The following DDX47 variants were observed in gnomAD, a reference collection of about 807,000 sequenced individuals.
DDX47 encodes the protein probable ATP-dependent RNA helicase DDX47.
Under a neutral mutation model 58.8 loss-of-function variants are expected in DDX47, and 60 were observed. That is an observed-to-expected ratio of 1.02 (90% CI 0.83 to 1.26). The LOEUF is 1.26. Ranked by LOEUF, DDX47 falls within the 50% of genes most tolerant of loss-of-function variation. The pLI is 0.00. For synonymous variants in DDX47, 197 were observed against 204.6 expected (o/e 0.96, Z 0.32); for missense variants, 530 against 573.2 (o/e 0.92, Z 0.77).
At position 12,829,644 on chromosome 12, in the gene DDX47, G is replaced by A. The variant is rs527391812; in HGVS notation, c.*90G>A. ...CAACAGAGATCATGAGACTGAAATT[G>A]GTCAGAATTGTGTCCAGAATGTGCT... On this transcript the variant is annotated 3_prime_UTR_variant, in exon 12 of 12. Coordinates refer to ENST00000358007, the MANE Select transcript of DDX47 (RefSeq NM_016355.4). The A allele has an allele frequency of 6.7e-7, 1 of 1,483,230 alleles. No individual in the cohort carries two copies. The highest frequency in any genetic ancestry group is 2.4e-5 in the East Asian group (1 of 42,300). The allele number at this position is 1,483,230 out of a possible 1,614,324, so 91.9% of individuals were successfully genotyped here.
Position 12,814,003 on chromosome 12 carries a change from G to C in DDX47, c.88-128G>C, listed in dbSNP as rs766777877. On this transcript the variant is annotated intron_variant, in intron 1 of 11. Coordinates refer to ENST00000358007, the MANE Select transcript of DDX47 (RefSeq NM_016355.4). ...ATGGTATAGTTAAAGAGTAGGCTCT[G>C]AGATGCACAGTAAATACCTTTTAAA... 3 of 710,408 alleles carry C rather than the reference G, an allele frequency of 4.2e-6. No individual in the cohort carries two copies. In the East Asian group the frequency reaches 7.5e-5, roughly 18 times the overall value. 44.0% of individuals were successfully genotyped at this position (710,408 alleles called of 1,614,324 possible).
intron 3 of DDX47, 64 bp from the exon 4 acceptor site, chr12:12,821,591 A>C (rs373439760): frequency 1.0e-5 from 16 of 1,525,886 alleles, no homozygotes; most frequent in Non-Finnish European, 1.4e-5. Context: ...TGGCTTTAAA[A>C]GATGTTCAGT....
intron 10 of DDX47, 48 bp downstream of exon 10, chr12:12,826,118 A>G (rs373920366): frequency 5.3e-6 from 8 of 1,522,590 alleles, no homozygotes; most frequent in African/African-American, 1.4e-5. Context: ...AAAGAGCAGA[A>G]CTTTCAAGCC....
chr12:12,824,720 T>C, intron 9 of DDX47, 43 bp downstream of exon 9: 1 of 1,584,220 alleles, frequency 6.3e-7, no homozygotes, highest in Non-Finnish European at 8.6e-7. Flanking sequence ...CTAAAGTGTA[T>C]TTCTTAATGG....
intron 2 of DDX47, 119 bp from the exon 3 acceptor site, chr12:12,821,089 C>G (rs1263785419): frequency 1.9e-6 from 2 of 1,033,894 alleles, no homozygotes; most frequent in Admixed American, 2.5e-5. Context: ...ACTTTCCTCT[C>G]TCCCCAGTTC....
intron 7 of DDX47, 82 bp from the exon 8 acceptor site, chr12:12,823,788 G>A: frequency 7.2e-7 from 1 of 1,390,048 alleles, no homozygotes; most frequent in Non-Finnish European, 9.9e-7. Flanking sequence ...TATAGGCTTA[G>A]TCTTTACCTT....
At chr12:12,822,178 A>G (rs1238515162) in intron 5 of DDX47, 95 bp downstream of exon 5, 2 of 752,044 alleles carry the variant, frequency 2.7e-6, no homozygotes, top group Non-Finnish European at 4.6e-6. Flanking sequence ...AGAACATTGC[A>G]TTAGTATCAG....
At chr12:12,828,816 A>G (rs1863091277) in intron 11 of DDX47, among the ~76,000 whole-genome samples, 1 of 152,246 alleles carries the variant, frequency 6.6e-6, no homozygotes, top group East Asian at 1.9e-4. Flanking sequence ...ATTAGACTTT[A>G]TCTAATTATA....
intron 2 of DDX47, chr12:12,814,610 G>A (rs1862868968): frequency 5.8e-6 from 1 of 170,962 alleles, no homozygotes; most frequent in Non-Finnish European, 1.3e-5. Flanking sequence ...TAAAACAGTG[G>A]TTAAAGCAGA....
chr12:12,821,535 AG>A (rs1387322435), intron 3 of DDX47, 119 bp from the exon 4 acceptor site: 30 of 1,416,956 alleles, frequency 2.1e-5, no homozygotes, highest in Non-Finnish European at 2.9e-5. Flanking sequence ...CTTTGGGAAG[AG>A]TATTAATTGT....
rs565789222 is a variant in DDX47 at position 12,813,388 on chromosome 12, C to A, written c.21C>A (p.His7Gln). MAAPEE[H>Q]DSPTEASQPI... ...ACAAGATGGCGGCACCCGAGGAACACGATTCTCCGACCGAAGCGTCCCAGC... is the reference window on the plus strand; with the variant it reads ...ACAAGATGGCGGCACCCGAGGAACAAGATTCTCCGACCGAAGCGTCCCAGC... Residue 7 changes from histidine (H) to glutamine (Q), a missense_variant, in exon 1 of 12, where the codon CAC becomes CAA. Coordinates refer to ENST00000358007, the MANE Select transcript of DDX47 (RefSeq NM_016355.4). 3.1e-6 allele frequency: 5 copies of A among 1,613,476 alleles called. No homozygotes were observed. The South Asian group carries it at 3.3e-5, about 11-fold the overall frequency.
chr12:12,821,295 C>T lies in DDX47; in HGVS notation c.269C>T (p.Pro90Leu), dbSNP rs745491237. 3.6e-5 allele frequency: 58 copies of T among 1,614,076 alleles called. No individual in the cohort carries two copies. In the East Asian group the frequency reaches 1.0e-3, roughly 29 times the overall value. The change falls in exon 3 of 12, where the codon CCG becomes CTG. Residue 90 changes from proline (P) to leucine (L), a missense_variant. Coordinates refer to ENST00000358007, the MANE Select transcript of DDX47 (RefSeq NM_016355.4). ...LPILNALLETPQRLFALVLTP... is the reference protein window; with the variant it reads ...LPILNALLETLQRLFALVLTP... ...ATTCTAAACGCACTGCTGGAGACCC[C>T]GCAGCGTTTGTTTGCCCTAGTTCTT...
At chr12:12,827,173 A>AT (rs1863064071) in intron 10 of DDX47, 73 bp from the exon 11 acceptor site, 3 of 1,547,854 alleles carry the variant, frequency 1.9e-6, no homozygotes, top group Middle Eastern at 1.7e-4. Context: ...GTTGTATCAT[A>AT]TAATAATAGT....
intron 2 of DDX47, among the ~76,000 whole-genome samples, chr12:12,818,349 G>A (rs1351478771): frequency 3.3e-5 from 5 of 152,034 alleles, no homozygotes; most frequent in South Asian, 4.1e-4. Flanking sequence ...GTGAAACCCC[G>A]TCTCTACTAA....
rs369627531 is a variant in DDX47, at chr12:12,827,252, T to G, written c.1113T>G (p.Asp371Glu). 2.2e-5 allele frequency: 35 copies of G among 1,613,846 alleles called. No individual in the cohort carries two copies. The African/African-American group carries it at 4.0e-4, about 18-fold the overall frequency. ...TGCAGTTTTCCTTCCTCAGGTATGA[T>G]GTGGAACTCTTCCAGCGCATAGAAC... is the stretch of plus-strand genomic sequence containing the variant. ...GKAITFVTQY[D>E]VELFQRIEHL... is the part of the protein sequence containing the mutation. Residue 371 changes from aspartate to glutamate, a missense_variant, in exon 11 of 12, where the codon GAT becomes GAG. By Grantham distance (45) the Asp-to-Glu change is conservative (BLOSUM62 2). Coordinates refer to ENST00000358007, the MANE Select transcript of DDX47 (RefSeq NM_016355.4).
intron 9 of DDX47, 57 bp from the exon 10 acceptor site, chr12:12,825,943 G>GT (rs979865469): frequency 1.2e-4 from 162 of 1,397,538 alleles, no homozygotes; most frequent in African/African-American, 7.6e-4. Context: ...TGCATATGTA[G>GT]TTTTTTTTAA....
At position 12,823,984 on chromosome 12, in the gene DDX47, A is replaced by G. The variant is rs763649730; in HGVS notation, c.865A>G (p.Thr289Ala). The G allele has an allele frequency of 1.2e-6, 2 of 1,614,186 alleles. No individual in the cohort carries two copies. Among genetic ancestry groups the G allele is most frequent in the Non-Finnish European group, 1.7e-6 (2 of 1,180,024 alleles). Residue 289 changes from threonine to alanine, a missense_variant, in exon 8 of 12, where the codon ACT becomes GCT. By Grantham distance (58) the Thr-to-Ala change is moderately conservative. Transcript: ENST00000358007. ...TALLLRNLGF[T>A]AIPLHGQMSQ... ...TTTGCTACTGCGAAATCTTGGCTTCACTGCCATCCCCCTCCATGGACAAAT... is the reference window on the plus strand; with the variant it reads ...TTTGCTACTGCGAAATCTTGGCTTCGCTGCCATCCCCCTCCATGGACAAAT...
intron 2 of DDX47, 198 bp downstream of exon 2, chr12:12,814,422 T>C (rs1592320307): frequency 2.0e-6 from 1 of 509,194 alleles, no homozygotes. Context: ...AAAGGGTTTG[T>C]TCTCTGCCAC....
chr12:12,829,549 C>T lies in DDX47; in HGVS notation c.1363C>T (p.Arg455Cys), dbSNP rs373820666. Residue 455 changes from arginine to cysteine, a missense_variant, in exon 12 of 12, where the codon CGT (arginine) becomes TGT (cysteine). Arg to Cys is a radical substitution (Grantham distance 180). Transcript: ENST00000358007. ...AGGAAAAATGAAGAAGCGGAAAGGCCGTTAATCACTTTTATGAAGGCTCGA... is the reference window on the plus strand; with the variant it reads ...AGGAAAAATGAAGAAGCGGAAAGGCTGTTAATCACTTTTATGAAGGCTCGA... ...AGGKMKKRKG[R>C] The T allele has an allele frequency of 5.8e-5, 94 of 1,613,022 alleles. No homozygotes were observed. Among genetic ancestry groups the T allele is most frequent in the Non-Finnish European group, 7.0e-5 (82 of 1,179,608 alleles).
Sources: allele counts gnomAD v4.1 joint callset (sites outside exome capture counted in the v4.1 genomes callset), GRCh38; gene constraint gnomAD v4.1.1; transcripts MANE v1.5; gene names NCBI Gene and HGNC (gene_info 2026-07-23, HGNC 2026-07-21).